Variants in DNAH6 observed in about 807,000 individuals in gnomAD.
DNAH6 encodes the protein dynein axonemal heavy chain 6, also known as axonemal beta dynein heavy chain 6.
In DNAH6, 340 loss-of-function variants were observed where a neutral mutation model predicts 491.4. The ratio of observed to expected loss-of-function variants is 0.69; its 90% CI spans 0.63 to 0.76. The LOEUF is 0.76. Ranked by LOEUF, DNAH6 falls within the 30% of genes least tolerant of loss-of-function variation. The pLI is 0.00. For missense variants in DNAH6, 4,443 were observed against 4,972.2 expected, an observed-to-expected ratio of 0.89 and a Z score of 3.20; for synonymous variants, 1,603 against 1,686.1, an observed-to-expected ratio of 0.95 and a Z score of 1.21.
rs549456247 is a variant in DNAH6 at position 84,604,365 on chromosome 2, C to T, written c.2895C>T (p.Asn965=). Residue 965 remains asparagine, a synonymous_variant, in exon 19 of 77, where the codon AAC becomes AAT. Coordinates refer to ENST00000389394, the MANE Select transcript of DNAH6 (RefSeq NM_001370.2). ...TTCCAGTTATCATTGACTTGAGGAACCCGACTTTGAAGGCAAGACATTGGG... is the reference window on the plus strand; with the variant it reads ...TTCCAGTTATCATTGACTTGAGGAATCCGACTTTGAAGGCAAGACATTGGG... ...EKLPVIIDLR[N]PTLKARHWAA... The T allele has an allele frequency of 2.6e-6, 4 of 1,552,112 alleles. No individual in the cohort carries two copies. In the African/African-American group the frequency reaches 5.5e-5, roughly 21 times the overall value.
intron 33 of DNAH6, among the ~76,000 whole-genome samples, chr2:84,651,533 C>G (rs1375000724): frequency 6.6e-6 from 1 of 151,582 alleles, no homozygotes; most frequent in Admixed American, 6.6e-5. Context: ...TCTTGCTGGG[C>G]TGCCCCTTTC....
intron 60 of DNAH6, among the ~76,000 whole-genome samples, chr2:84,725,461 A>G (rs1017188014): frequency 2.0e-5 from 3 of 152,160 alleles, no homozygotes; most frequent in African/African-American, 7.2e-5. Flanking sequence ...GGGTTCTTAT[A>G]TCTCTGCTCC....
chr2:84,473,991 C>T, the DNAH6 span, among the ~76,000 whole-genome samples: 2 of 152,138 alleles, frequency 1.3e-5, no homozygotes, highest in Non-Finnish European at 2.9e-5. Context: ...TTTAGCATGC[C>T]TTGGGGTAGT....
chr2:84,764,745 C>G (rs1032991699), intron 64 of DNAH6, among the ~76,000 whole-genome samples: 1 of 152,092 alleles, frequency 6.6e-6, no homozygotes, highest in Admixed American at 6.5e-5. Flanking sequence ...ATCCATGTTG[C>G]TGCAAAGAAC....
intron 10 of DNAH6, among the ~76,000 whole-genome samples, chr2:84,557,374 C>T (rs1259668260): frequency 4.6e-5 from 7 of 151,992 alleles, no homozygotes; most frequent in African/African-American, 9.7e-5. Context: ...AGGCCGGGCG[C>T]GGTGGCTCAC....
chr2:84,630,898 A>G (rs1325112330), intron 29 of DNAH6, among the ~76,000 whole-genome samples: 1 of 152,218 alleles, frequency 6.6e-6, no homozygotes, highest in Non-Finnish European at 1.5e-5. Flanking sequence ...GGTAATTTTA[A>G]GCTGGGTGGC....
chr2:84,638,497 A>G (rs1305203615), intron 31 of DNAH6, among the ~76,000 whole-genome samples: 1 of 152,050 alleles, frequency 6.6e-6, no homozygotes, highest in African/African-American at 2.4e-5. Flanking sequence ...GCTACATTTC[A>G]TAACAAGGGA....
intron 45 of DNAH6, among the ~76,000 whole-genome samples, chr2:84,689,609 GAAGTC>G (rs1190204112): frequency 6.6e-6 from 1 of 152,174 alleles, no homozygotes; most frequent in Non-Finnish European, 1.5e-5. Context: ...CATAGTCTTG[GAAGTC>G]ACATAGCATC....
chr2:84,573,648 T>G, intron 12 of DNAH6, 61 bp downstream of exon 12: 1 of 1,434,576 alleles, frequency 7.0e-7, no homozygotes, highest in Non-Finnish European at 9.2e-7. Context: ...TTGTTGTTTT[T>G]TAGGATTCTG....
At chr2:84,530,546 A>T (rs1258861781) in intron 4 of DNAH6, among the ~76,000 whole-genome samples, 1 of 152,172 alleles carries the variant, frequency 6.6e-6, no homozygotes, top group African/African-American at 2.4e-5. Context: ...ACAATGGAGA[A>T]CCATGGAAGG....
rs1696924374 is a variant in DNAH6, at chr2:84,710,426, T to C, written c.9378+14T>C. On this transcript the variant is annotated intron_variant, in intron 56 of 76. Coordinates refer to ENST00000389394, the MANE Select transcript of DNAH6 (RefSeq NM_001370.2). The stretch of plus-strand genomic sequence containing the variant: ...TTACTGGAAGAGGTTTGATTTTCAC[T>C]TCCTTTTCTCATGTCAGTTCCCAAC... The C allele has an allele frequency of 6.4e-7, 1 of 1,551,228 alleles. No individual in the cohort carries two copies. The highest frequency in any genetic ancestry group is 8.7e-7 in the Non-Finnish European group (1 of 1,146,728).
In DNAH6 at chr2:84,665,464, A is replaced by G. The variant is rs149060124; in HGVS notation, c.6085-3825A>G. Among the ~76,000 whole-genome samples the G allele has an allele frequency of 1.0e-3, 159 of 152,350 alleles. 3 individuals are homozygous for G. The East Asian group carries it at 0.029, about 28-fold the overall frequency. On this transcript the variant is annotated intron_variant, in intron 37 of 76. Coordinates refer to ENST00000389394, the MANE Select transcript of DNAH6 (RefSeq NM_001370.2). ...ATACAAACTACGATCAGAGAATACT[A>G]TAAACACCTCTACACAAATAAACTA... is the stretch of plus-strand genomic sequence containing the variant.
intron 24 of DNAH6, 117 bp from the exon 25 acceptor site, chr2:84,621,074 A>G (rs1687349602): frequency 1.0e-6 from 1 of 994,834 alleles, no homozygotes; most frequent in East Asian, 2.6e-5. Context: ...AAGTTTCAGT[A>G]TTTGTGGTCA....
chr2:84,576,345 C>A (rs569256798), intron 12 of DNAH6, among the ~76,000 whole-genome samples: 38 of 152,064 alleles, frequency 2.5e-4, no homozygotes, highest in Non-Finnish European at 4.9e-4. Flanking sequence ...CCAATACTTT[C>A]TCTGGTGTGT....
chr2:84,605,191 C>CA (rs58744232), intron 19 of DNAH6, among the ~76,000 whole-genome samples: 72 of 138,334 alleles, frequency 5.2e-4, no homozygotes, highest in Middle Eastern at 3.7e-3. Context: ...ATTAAAAATA[C>CA]AAAAAAAAAA....
the DNAH6 span, among the ~76,000 whole-genome samples, chr2:84,511,388 T>C: frequency 2.6e-5 from 4 of 152,304 alleles, 1 homozygote; most frequent in Admixed American, 6.5e-5. Context: ...CGGGATATAA[T>C]CTCCTGGTGT....
chr2:84,559,396 A>C (rs1374303874), intron 11 of DNAH6, among the ~76,000 whole-genome samples: 2 of 152,180 alleles, frequency 1.3e-5, no homozygotes, highest in Non-Finnish European at 2.9e-5. Flanking sequence ...AAATGAAGCA[A>C]CTACTGAAAA....
At chr2:84,818,204 A>C (rs1680675603) in intron 76 of DNAH6, among the ~76,000 whole-genome samples, 1 of 152,182 alleles carries the variant, frequency 6.6e-6, no homozygotes, top group Admixed American at 6.5e-5. Flanking sequence ...CTAATATCCC[A>C]AAAAAGAAAG....
At chr2:84,796,485 C>T in intron 69 of DNAH6, 60 bp downstream of exon 69, 1 of 1,370,870 alleles carries the variant, frequency 7.3e-7, no homozygotes, top group Non-Finnish European at 9.7e-7. Flanking sequence ...GACAGCATCT[C>T]TCAGTTTCCC....
Sources: allele counts gnomAD v4.1 joint callset (sites outside exome capture counted in the v4.1 genomes callset), GRCh38; gene constraint gnomAD v4.1.1; transcripts MANE v1.5; gene names NCBI Gene and HGNC (gene_info 2026-07-23, HGNC 2026-07-21).